The following KLHL29 variants were observed in gnomAD, a reference collection of about 807,000 sequenced individuals.
KLHL29 encodes kelch like family member 29, also known as kelch-like protein 29.
A neutral mutation model predicts 80.4 loss-of-function variants in KLHL29; 21 were observed. That is an observed-to-expected ratio of 0.26 (90% CI 0.19 to 0.38). The LOEUF is 0.38. Among genes scored for constraint, KLHL29 ranks in the 10% least tolerant of loss-of-function variants. KLHL29 has a pLI of 1.00. For synonymous variants in KLHL29, 511 were observed against 526.8 expected, an observed-to-expected ratio of 0.97 and a Z score of 0.41; for missense variants, 867 against 1,223.9, an observed-to-expected ratio of 0.71 and a Z score of 4.35.
At chr2:23,463,043 A>G (rs1572336648) in intron 1 of KLHL29, among the ~76,000 whole-genome samples, 1 of 151,810 alleles carries the variant, frequency 6.6e-6, no homozygotes, top group Admixed American at 6.5e-5. Context: ...AATTATTCAA[A>G]CTTGTTCTGG....
intron 3 of KLHL29, among the ~76,000 whole-genome samples, chr2:23,623,570 C>T (rs143381264): frequency 9.7e-4 from 147 of 152,230 alleles, no homozygotes; most frequent in African/African-American, 3.3e-3. Context: ...GTTCTGGAGT[C>T]ATCGGAAAAG....
chr2:23,491,902 C>T (rs1572354285), intron 2 of KLHL29, among the ~76,000 whole-genome samples: 1 of 152,178 alleles, frequency 6.6e-6, no homozygotes, highest in South Asian at 2.1e-4. Flanking sequence ...CTCGCCTCCA[C>T]GTACTACAGG....
intron 1 of KLHL29, among the ~76,000 whole-genome samples, chr2:23,456,904 C>T (rs1002500328): frequency 7.9e-5 from 12 of 152,272 alleles, no homozygotes; most frequent in East Asian, 7.7e-4. Flanking sequence ...CGGGGACTTG[C>T]GGAGACAGCC....
chr2:23,518,725 C>T lies in KLHL29; in HGVS notation c.-46+43058C>T, dbSNP rs539209748. Among the ~76,000 whole-genome samples, 15 of 152,290 alleles carry T rather than the reference C, an allele frequency of 9.8e-5. No individual in the cohort carries two copies. In the South Asian group the frequency reaches 1.5e-3, roughly 15 times the overall value. Reference sequence around the variant, plus strand: ...ACTGGGCCTGGTCCACAGCTGCACACGCCAACACATGCACCTGGTCCAGGG... The same window carrying T: ...ACTGGGCCTGGTCCACAGCTGCACATGCCAACACATGCACCTGGTCCAGGG... On this transcript the variant is annotated intron_variant, in intron 2 of 13. Coordinates refer to ENST00000486442, the MANE Select transcript of KLHL29 (RefSeq NM_052920.2).
intron 1 of KLHL29, among the ~76,000 whole-genome samples, chr2:23,443,802 G>A (rs1663599388): frequency 6.6e-6 from 1 of 152,198 alleles, no homozygotes; most frequent in Non-Finnish European, 1.5e-5. Flanking sequence ...AACATGAGGC[G>A]ATGCCATTGT....
chr2:23,464,034 A>G (rs1214573530), intron 1 of KLHL29, among the ~76,000 whole-genome samples: 1 of 152,238 alleles, frequency 6.6e-6, no homozygotes, highest in Non-Finnish European at 1.5e-5. Flanking sequence ...CATACTTTGA[A>G]AAGTAATGTA....
chr2:23,564,470 C>T (rs996321025), intron 3 of KLHL29, among the ~76,000 whole-genome samples: 4 of 152,234 alleles, frequency 2.6e-5, no homozygotes, highest in African/African-American at 4.8e-5. Flanking sequence ...GCCTCCAGCC[C>T]GGCCTGTTTC....
At chr2:23,533,394 C>T (rs1666561440) in intron 2 of KLHL29, among the ~76,000 whole-genome samples, 1 of 152,142 alleles carries the variant, frequency 6.6e-6, no homozygotes, top group African/African-American at 2.4e-5. Context: ...ATGGTCTAAG[C>T]AGGGAGGGGT....
intron 2 of KLHL29, among the ~76,000 whole-genome samples, chr2:23,492,227 A>G (rs887301027): frequency 1.4e-4 from 21 of 152,184 alleles, no homozygotes; most frequent in Admixed American, 9.2e-4. Flanking sequence ...TCCACCTGGG[A>G]TGCTATTCCC....
At chr2:23,575,973 C>T (rs1412272392) in intron 3 of KLHL29, among the ~76,000 whole-genome samples, 2 of 152,220 alleles carry the variant, frequency 1.3e-5, no homozygotes, top group Admixed American at 6.5e-5. Flanking sequence ...AGTGAGGCCT[C>T]AGCTATACTG....
intron 2 of KLHL29, among the ~76,000 whole-genome samples, chr2:23,534,874 C>T (rs1666616990): frequency 6.6e-6 from 1 of 152,232 alleles, no homozygotes; most frequent in Non-Finnish European, 1.5e-5. Context: ...CTAGAACCCC[C>T]TGCAGGCTTT....
intron 1 of KLHL29, among the ~76,000 whole-genome samples, chr2:23,410,583 G>T (rs569765034): frequency 6.6e-6 from 1 of 152,090 alleles, no homozygotes; most frequent in Non-Finnish European, 1.5e-5. Flanking sequence ...CAGAAATTTC[G>T]AGGAATCATC....
At chr2:23,490,084 G>A (rs1453868640) in intron 2 of KLHL29, among the ~76,000 whole-genome samples, 2 of 152,234 alleles carry the variant, frequency 1.3e-5, no homozygotes, top group African/African-American at 2.4e-5. Flanking sequence ...GGGAGCCTCC[G>A]TGGGCGAGGA....
chr2:23,609,003 A>T (rs1459877216), intron 3 of KLHL29, among the ~76,000 whole-genome samples: 1 of 152,226 alleles, frequency 6.6e-6, no homozygotes, highest in Non-Finnish European at 1.5e-5. Context: ...TTAGTATGAG[A>T]GCTCATTCGA....
chr2:23,418,156 C>A (rs1014543116), intron 1 of KLHL29, among the ~76,000 whole-genome samples: 1 of 152,186 alleles, frequency 6.6e-6, no homozygotes, highest in Non-Finnish European at 1.5e-5. Flanking sequence ...CCTCTCACTG[C>A]GGCAGTGGGC....
At chr2:23,535,109 A>T (rs570591664) in intron 2 of KLHL29, among the ~76,000 whole-genome samples, 1 of 152,342 alleles carries the variant, frequency 6.6e-6, no homozygotes, top group African/African-American at 2.4e-5. Flanking sequence ...AAAATTAGTT[A>T]ATTTTTTTAA....
intron 3 of KLHL29, among the ~76,000 whole-genome samples, chr2:23,571,578 GA>G (rs1451462071): frequency 6.6e-6 from 1 of 152,196 alleles, no homozygotes; most frequent in Non-Finnish European, 1.5e-5. Flanking sequence ...GGCAGTTCTG[GA>G]ATAGAATATG....
intron 5 of KLHL29, among the ~76,000 whole-genome samples, chr2:23,655,067 C>G (rs1208994576): frequency 3.3e-5 from 5 of 152,298 alleles, no homozygotes; most frequent in Admixed American, 1.3e-4. Flanking sequence ...TCCTCATCTC[C>G]AAAACCGTTG....
rs1406582130 is a variant in KLHL29, at chr2:23,700,082, C to T, written c.2106-3104C>T. Among the ~76,000 whole-genome samples, 1 of 152,208 alleles carries T rather than the reference C, an allele frequency of 6.6e-6. No individual in the cohort carries two copies. Among genetic ancestry groups the T allele is most frequent in the Non-Finnish European group, 1.5e-5 (1 of 68,044 alleles). On this transcript the variant is annotated intron_variant, in intron 11 of 13. Transcript: ENST00000486442. The surrounding 1 kb of genome is among the most constrained non-coding windows in gnomAD (Gnocchi z 4.6). ...CACGTTCCCTCTGCACTTTGGATTC[C>T]ATTTGCATCCACCTCCTGGAAGCCT...
Sources: gnomAD v4.1 joint callset for allele counts (sites outside exome capture counted in the v4.1 genomes callset) on GRCh38, gnomAD v4.1.1 for gene constraint, Gnocchi (gnomAD v3.1) non-coding constraint, MANE v1.5 for transcripts, NCBI Gene and HGNC (gene_info 2026-07-23, HGNC 2026-07-21) for gene names.